Variants in TRMT2A observed in about 807,000 individuals in gnomAD.
TRMT2A encodes the protein tRNA (uracil-5-)-methyltransferase homolog A.
In TRMT2A, 60 loss-of-function variants were observed where a neutral mutation model predicts 59.3. The observed-to-expected ratio is 1.01, with a 90% CI of 0.82 to 1.26. TRMT2A has a LOEUF of 1.26. Ranked by LOEUF, TRMT2A falls within the 50% of genes most tolerant of loss-of-function variation. TRMT2A has a pLI of 0.00. For missense variants in TRMT2A, 863 were observed against 845.2 expected (o/e 1.02, Z -0.26); for synonymous variants, 403 against 353.7 (o/e 1.14, Z -1.56).
chr22:20,114,161 C>G (rs2049932871), intron 7 of TRMT2A, among the ~76,000 whole-genome samples: 1 of 152,178 alleles, frequency 6.6e-6, no homozygotes, highest in Non-Finnish European at 1.5e-5. Flanking sequence ...ACTGCAGCTC[C>G]CACCCCCACA....
chr22:20,113,132 G>A lies in TRMT2A; in HGVS notation c.1535C>T (p.Pro512Leu). ...SQHLVAILDP[P>L]RAGLHSKVIL... ...AAGCCACTCACGCAAGCCAGCACGG[G>A]GTGGGTCCAGGATGGCCACGAGGTG... is the stretch of plus-strand genomic sequence containing the variant. The change falls in exon 10 of 12, where the codon CCC becomes CTC. Residue 512 changes from proline (P) to leucine (L), a missense_variant. Transcript: ENST00000252136. 1 of 1,603,746 alleles carries A rather than the reference G, an allele frequency of 6.2e-7. No individual in the cohort carries two copies.
chr22:20,113,879 A>AT (rs1440305080), intron 7 of TRMT2A, 71 bp from the exon 8 acceptor site: 1 of 1,473,396 alleles, frequency 6.8e-7, no homozygotes, highest in Non-Finnish European at 9.0e-7. Context: ...CGACGCCCAC[A>AT]TTCCTGGTCC....
chr22:20,112,237 T>A lies in TRMT2A; in HGVS notation c.*326A>T. On this transcript the variant is annotated 3_prime_UTR_variant, in exon 12 of 12. Transcript: ENST00000252136. ...GCTTGCAGAGCTGCCTAGGCCTAGTTTGGCCCTTTCCCTGGCACCCAGGCC... is the reference window on the plus strand; with the variant it reads ...GCTTGCAGAGCTGCCTAGGCCTAGTATGGCCCTTTCCCTGGCACCCAGGCC... The A allele has an allele frequency of 2.6e-6, 1 of 390,248 alleles. No individual in the cohort carries two copies. The highest frequency in any genetic ancestry group is 4.6e-6 in the Non-Finnish European group (1 of 216,604). 24.2% of individuals were successfully genotyped at this position (390,248 alleles called of 1,614,324 possible). A position where few individuals can be genotyped will look rare whatever the true frequency, so the allele number is the denominator to read the frequency against.
Position 20,113,254 on chromosome 22 carries a change from G to A in TRMT2A, c.1433-20C>T. The A allele has an allele frequency of 6.5e-7, 1 of 1,529,880 alleles. No individual in the cohort carries two copies. Among genetic ancestry groups the A allele is most frequent in the East Asian group, 2.3e-5 (1 of 44,218 alleles). The allele number at this position is 1,529,880 out of a possible 1,614,324, so 94.8% of individuals were successfully genotyped here. ...TCAACTCTGAAGAGATGGCACCGTG[G>A]CCTGTCAGAGGGCCACATGCCCTCC... On this transcript the variant is annotated intron_variant, in intron 9 of 11. Coordinates refer to ENST00000252136, the MANE Select transcript of TRMT2A (RefSeq NM_022727.6).
At chr22:20,115,522 G>C (rs569396717) in intron 3 of TRMT2A, 75 bp from the exon 4 acceptor site, 2 of 1,575,512 alleles carry the variant, frequency 1.3e-6, no homozygotes, top group African/African-American at 1.3e-5. Flanking sequence ...TCCCCACAGG[G>C]GCTGGCAGTC....
At chr22:20,114,943 C>A in intron 5 of TRMT2A, 22 bp downstream of exon 5, 2 of 1,573,304 alleles carry the variant, frequency 1.3e-6, no homozygotes, top group East Asian at 4.6e-5. Context: ...GCACCCTCCC[C>A]CAGCAGGGCC....
intron 4 of TRMT2A, 36 bp from the exon 5 acceptor site, chr22:20,115,115 C>T: frequency 6.4e-7 from 1 of 1,566,706 alleles, no homozygotes; most frequent in Non-Finnish European, 8.6e-7. Flanking sequence ...GTGCCCACAA[C>T]TGGGCAAGCA....
At position 20,117,104 on chromosome 22, in the gene TRMT2A, G is replaced by A. The variant is rs2050051139; in HGVS notation, c.-198C>T. The stretch of plus-strand genomic sequence containing the variant: ...GCGGGGCGGGACTCGAACCTGCGAT[G>A]CTCAGGTCCGGGTCTCAGGCTTGGG... On this transcript the variant is annotated 5_prime_UTR_variant, in exon 1 of 12. Coordinates refer to ENST00000252136, the MANE Select transcript of TRMT2A (RefSeq NM_022727.6). 1.4e-6 allele frequency: 1 copy of A among 701,564 alleles called. No individual in the cohort carries two copies. The highest frequency in any genetic ancestry group is 1.9e-5 in the South Asian group (1 of 52,846). The allele number at this position is 701,564 out of a possible 1,614,324, so 43.5% of individuals were successfully genotyped here.
In TRMT2A at chr22:20,116,780, T is replaced by C; in HGVS notation, c.24+103A>G. 2.4e-6 allele frequency: 3 copies of C among 1,267,104 alleles called. No homozygotes were observed. The highest frequency in any genetic ancestry group is 2.9e-5 in the East Asian group (1 of 34,688). The allele number at this position is 1,267,104 out of a possible 1,614,324, so 78.5% of individuals were successfully genotyped here. ...CATTCCCGTCTCCTTTCCTCCCCTATCGCACCTGCCTCGTCCCCACCTATT... is the reference window on the plus strand; with the variant it reads ...CATTCCCGTCTCCTTTCCTCCCCTACCGCACCTGCCTCGTCCCCACCTATT... On this transcript the variant is annotated intron_variant, in intron 1 of 11. Transcript: ENST00000252136.
intron 9 of TRMT2A, 51 bp from the exon 10 acceptor site, chr22:20,113,285 G>T: frequency 6.6e-7 from 1 of 1,518,516 alleles, no homozygotes. Flanking sequence ...CCTCCCAGCA[G>T]GGCCAGCCCT....
At chr22:20,115,242 G>A (rs372925323) in intron 4 of TRMT2A, 24 bp downstream of exon 4, 170 of 1,602,030 alleles carry the variant, frequency 1.1e-4, no homozygotes, top group Non-Finnish European at 1.3e-4. Flanking sequence ...AGGACTTCCC[G>A]GGAGCCCCGT....
intron 8 of TRMT2A, 31 bp from the exon 9 acceptor site, chr22:20,113,538 C>T: frequency 1.2e-6 from 2 of 1,613,036 alleles, no homozygotes; most frequent in Non-Finnish European, 1.7e-6. Context: ...GTCGCCCCAC[C>T]CAGGGAGGGG....
In TRMT2A at chr22:20,116,407, A is replaced by G; in HGVS notation, c.230T>C (p.Leu77Pro). Reference protein sequence around the residue: ...LFTSEIFKLELQNVPRHASFS... With the variant: ...LFTSEIFKLEPQNVPRHASFS... ...GCTGGCGTGGCGAGGCACGTTCTGC[A>G]GCTCCAGTTTAAAGATCTCAGAGGT... The change falls in exon 2 of 12, where the codon CTG becomes CCG. Residue 77 changes from leucine to proline, a missense_variant. Transcript: ENST00000252136. 3.1e-6 allele frequency: 5 copies of G among 1,611,832 alleles called. No homozygotes were observed. The highest frequency in any genetic ancestry group is 4.2e-6 in the Non-Finnish European group (5 of 1,178,998).
intron 7 of TRMT2A, among the ~76,000 whole-genome samples, chr22:20,114,066 C>G (rs949354339): frequency 6.6e-6 from 1 of 152,188 alleles, no homozygotes; most frequent in African/African-American, 2.4e-5. Flanking sequence ...CATGAGGCCC[C>G]GCAGGCCAAT....
At position 20,113,414 on chromosome 22, in the gene TRMT2A, C is replaced by A; in HGVS notation, c.1432+18G>T. The stretch of plus-strand genomic sequence containing the variant: ...GGCTGCCCCCATCCCCACCCCCACC[C>A]ACGGCCTTGCCACTCACCATTGTCC... On this transcript the variant is annotated intron_variant, in intron 9 of 11. Transcript: ENST00000252136. The A allele has an allele frequency of 6.3e-7, 1 of 1,590,686 alleles. No individual in the cohort carries two copies. The highest frequency in any genetic ancestry group is 1.1e-5 in the South Asian group (1 of 88,990).
rs756841949 is a variant in TRMT2A, at chr22:20,116,272, C to G, written c.365G>C (p.Arg122Thr). The G allele has an allele frequency of 6.2e-7, 1 of 1,612,878 alleles. No individual in the cohort carries two copies. The highest frequency in any genetic ancestry group is 8.5e-7 in the Non-Finnish European group (1 of 1,180,040). The change falls in exon 2 of 12, where the codon AGG becomes ACG. Residue 122 changes from arginine (R) to threonine (T), a missense_variant. Coordinates refer to ENST00000252136, the MANE Select transcript of TRMT2A (RefSeq NM_022727.6). ...AFVTFRSAAE[R>T]DKALRVLHGA... is the part of the protein sequence containing the mutation. ...ATGCAAAACGCGCAGGGCCTTGTCC[C>G]TCTCTGCAGCGCTGCGGAATGTCAC...
At chr22:20,113,943 T>C in intron 7 of TRMT2A, 135 bp from the exon 8 acceptor site, 1 of 1,251,028 alleles carries the variant, frequency 8.0e-7, no homozygotes, top group Non-Finnish European at 1.1e-6. Context: ...GCCCAACGTC[T>C]TCCCTGACCC....
rs750589544 is a variant in TRMT2A at position 20,116,147 on chromosome 22, G to A, written c.490C>T (p.Pro164Ser). 38 of 1,612,902 alleles carry A rather than the reference G, an allele frequency of 2.4e-5. No homozygotes were observed. Among genetic ancestry groups the A allele is most frequent in the Non-Finnish European group, 3.1e-5 (36 of 1,179,816 alleles). ...RRRQEGESEP[P>S]VTRVADVVTP... ...ACCACGTCGGCCACTCGTGTTACTG[G>A]TGGCTCACTCTCACCCTCCTGTCGC... Residue 164 changes from proline (P) to serine (S), a missense_variant, in exon 2 of 12, where the codon CCA becomes TCA. Pro to Ser is a moderately conservative substitution (Grantham distance 74). Coordinates refer to ENST00000252136, the MANE Select transcript of TRMT2A (RefSeq NM_022727.6).
Position 20,113,500 on chromosome 22 carries a change from T to C in TRMT2A, c.1364A>G (p.Lys455Arg). The C allele has an allele frequency of 6.2e-7, 1 of 1,611,874 alleles. No homozygotes were observed. The highest frequency in any genetic ancestry group is 8.5e-7 in the Non-Finnish European group (1 of 1,179,122). ...TIGLALARKV[K>R]RVIGVELCPE... ...GCATAGCTCGACCCCAATGACCCTC[T>C]TTACCTTCTGAAACAGGAAAGCGTG... The change falls in exon 9 of 12, where the codon AAG (lysine) becomes AGG (arginine). Residue 455 changes from lysine (K) to arginine (R), a missense_variant. Transcript: ENST00000252136.
Sources: allele counts gnomAD v4.1 joint callset (sites outside exome capture counted in the v4.1 genomes callset), GRCh38; gene constraint gnomAD v4.1.1; transcripts MANE v1.5; gene names NCBI Gene and HGNC (gene_info 2026-07-23, HGNC 2026-07-21).